Variants in FHOD3 observed in about 807,000 individuals in gnomAD.
The protein encoded by FHOD3 is formin homology 2 domain containing 3.
Under a neutral mutation model 173.0 loss-of-function variants are expected in FHOD3, and 90 were observed. The ratio of observed to expected loss-of-function variants is 0.52; its 90% confidence interval spans 0.44 to 0.62. The LOEUF is 0.62. Among genes scored for constraint, FHOD3 ranks in the 20% least tolerant of loss-of-function variants. The pLI, the probability that FHOD3 is intolerant of heterozygous loss-of-function variation, is 0.00. For synonymous variants in FHOD3, 828 were observed against 823.0 expected (o/e 1.01, Z -0.10); for missense variants, 1,945 against 2,034.7 (o/e 0.96, Z 0.85).
In FHOD3 at chr18:36,297,921, C is replaced by G. The variant is rs991111933; in HGVS notation, c.86C>G (p.Pro29Arg). 2 of 1,562,696 alleles carry G rather than the reference C, an allele frequency of 1.3e-6. No individual in the cohort carries two copies. Among genetic ancestry groups the G allele is most frequent in the Non-Finnish European group, 1.7e-6 (2 of 1,155,036 alleles). ...AACTTCCCCGAGCCCAGCCGGCCGC[C>G]GCTGTTCACGTTCCGCGAGGACCTC... ...STNFPEPSRPPLFTFREDLAL... is the reference protein window; with the variant it reads ...STNFPEPSRPRLFTFREDLAL... Residue 29 changes from proline (P) to arginine (R), a missense_variant, in exon 1 of 29, where the codon CCG (proline) becomes CGG (arginine). Physicochemically the swap from Pro to Arg is moderately radical, Grantham distance 103 (BLOSUM62 -2). Coordinates refer to ENST00000590592, the MANE Select transcript of FHOD3 (RefSeq NM_001281740.3).
intron 25 of FHOD3, among the ~76,000 whole-genome samples, chr18:36,758,375 T>C (rs1721975996): frequency 6.6e-6 from 1 of 152,262 alleles, no homozygotes; most frequent in African/African-American, 2.4e-5. Flanking sequence ...TCTCAATTTA[T>C]GTTAGAAGAG....
chr18:36,548,131 G>T (rs2057489672), intron 5 of FHOD3, among the ~76,000 whole-genome samples: 1 of 152,138 alleles, frequency 6.6e-6, no homozygotes, highest in Admixed American at 6.5e-5. Flanking sequence ...GGCGGAGGTT[G>T]CAGTGAGCCG....
rs545624410 is a variant in FHOD3, at chr18:36,625,569, G to T, written c.1016G>T (p.Arg339Leu). ...ACGGAGCCACCCCCCAGTGGGTGCCGGGACCGGAGGAGGGCCAGCGTGTGT... is the reference window on the plus strand; with the variant it reads ...ACGGAGCCACCCCCCAGTGGGTGCCTGGACCGGAGGAGGGCCAGCGTGTGT... Reference protein sequence around the residue: ...ETTEPPPSGCRDRRRASVCSS... With the variant: ...ETTEPPPSGCLDRRRASVCSS... Residue 339 changes from arginine to leucine, a missense_variant, in exon 10 of 29, where the codon CGG becomes CTG. Arg to Leu is a moderately radical substitution (Grantham distance 102). Coordinates refer to ENST00000590592, the MANE Select transcript of FHOD3 (RefSeq NM_001281740.3). The T allele has an allele frequency of 6.5e-7, 1 of 1,527,726 alleles. No individual in the cohort carries two copies. The highest frequency in any genetic ancestry group is 1.2e-5 in the South Asian group (1 of 81,438). 94.6% of individuals were successfully genotyped at this position (1,527,726 alleles called of 1,614,324 possible).
chr18:36,438,769 C>G (rs1008730578), intron 3 of FHOD3, among the ~76,000 whole-genome samples: 1 of 152,212 alleles, frequency 6.6e-6, no homozygotes, highest in African/African-American at 2.4e-5. Flanking sequence ...TAAGACACTG[C>G]TCTTCATCCT....
chr18:36,566,934 C>T (rs2058286436), intron 5 of FHOD3, among the ~76,000 whole-genome samples: 1 of 152,180 alleles, frequency 6.6e-6, no homozygotes, highest in Admixed American at 6.5e-5. Flanking sequence ...GTGCAGTGTA[C>T]TGCGTTTTCT....
chr18:36,556,674 T>C (rs1194841266), intron 5 of FHOD3, among the ~76,000 whole-genome samples: 1 of 152,228 alleles, frequency 6.6e-6, no homozygotes, highest in African/African-American at 2.4e-5. Flanking sequence ...AACACTGTTA[T>C]TTTTCTGTTT....
At chr18:36,701,461 T>G (rs911087336) in intron 17 of FHOD3, among the ~76,000 whole-genome samples, 12 of 152,138 alleles carry the variant, frequency 7.9e-5, no homozygotes, top group Admixed American at 2.6e-4. Flanking sequence ...ATATACATAT[T>G]TAAGCAAGTG....
At chr18:36,697,713 C>T (rs1385486977) in intron 17 of FHOD3, among the ~76,000 whole-genome samples, 2 of 152,190 alleles carry the variant, frequency 1.3e-5, no homozygotes, top group Non-Finnish European at 2.9e-5. Flanking sequence ...TACTTCCTGT[C>T]ACAGATGCAG....
intron 5 of FHOD3, among the ~76,000 whole-genome samples, chr18:36,565,177 C>T (rs2066353547): frequency 1.3e-5 from 2 of 152,136 alleles, no homozygotes; most frequent in South Asian, 4.1e-4. Context: ...CAATATCAAC[C>T]TCTTTTTAAT....
intron 10 of FHOD3, among the ~76,000 whole-genome samples, chr18:36,626,676 T>G (rs567063858): frequency 6.6e-6 from 1 of 152,310 alleles, no homozygotes; most frequent in Non-Finnish European, 1.5e-5. Flanking sequence ...CTCATATCAC[T>G]TGGCTGGATC....
chr18:36,658,054 T>C (rs1450659498), intron 13 of FHOD3, 21 bp from the exon 14 acceptor site: 1 of 1,557,912 alleles, frequency 6.4e-7, no homozygotes, highest in South Asian at 1.1e-5. Context: ...TCCCCCCAAC[T>C]TAAACCTCTG....
intron 5 of FHOD3, among the ~76,000 whole-genome samples, chr18:36,522,910 T>G (rs960356886): frequency 6.6e-6 from 1 of 152,238 alleles, no homozygotes; most frequent in African/African-American, 2.4e-5. Context: ...GATTTGATTT[T>G]CAGTATCCTC....
At chr18:36,569,322 C>G (rs1311728821) in intron 5 of FHOD3, among the ~76,000 whole-genome samples, 1 of 151,934 alleles carries the variant, frequency 6.6e-6, no homozygotes, top group African/African-American at 2.4e-5. Context: ...GGTGAAGTGA[C>G]TATATTAATT....
chr18:36,546,183 G>T (rs895321393), intron 5 of FHOD3, among the ~76,000 whole-genome samples: 1 of 152,222 alleles, frequency 6.6e-6, no homozygotes, highest in Non-Finnish European at 1.5e-5. Flanking sequence ...TTCCACCGCA[G>T]TTCATCTTGA....
At chr18:36,304,458 C>T (rs1468561936) in intron 1 of FHOD3, among the ~76,000 whole-genome samples, 1 of 152,172 alleles carries the variant, frequency 6.6e-6, no homozygotes, top group African/African-American at 2.4e-5. Context: ...AATTAGGTTA[C>T]AATTCCAATA....
At chr18:36,725,450 C>T (rs991997636) in intron 19 of FHOD3, among the ~76,000 whole-genome samples, 1 of 152,186 alleles carries the variant, frequency 6.6e-6, no homozygotes, top group African/African-American at 2.4e-5. Context: ...GGGAAGCTTA[C>T]ACAGTCAATC....
chr18:36,532,764 C>T (rs985321842), intron 5 of FHOD3, among the ~76,000 whole-genome samples: 5 of 152,250 alleles, frequency 3.3e-5, no homozygotes, highest in African/African-American at 1.2e-4. Context: ...CTAACCTCAA[C>T]CGCAGAACAT....
chr18:36,316,910 T>TC (rs1190098216), intron 1 of FHOD3, among the ~76,000 whole-genome samples: 95 of 152,056 alleles, frequency 6.2e-4, no homozygotes, highest in African/African-American at 2.2e-3. Context: ...TGTGTGATGT[T>TC]CCCCTCCCTG....
intron 3 of FHOD3, among the ~76,000 whole-genome samples, chr18:36,448,805 T>C (rs2051651943): frequency 6.6e-6 from 1 of 152,168 alleles, no homozygotes; most frequent in African/African-American, 2.4e-5. Context: ...ACAGCTGGTC[T>C]TGCGGTTGAG....
Sources: allele counts gnomAD v4.1 joint callset (sites outside exome capture counted in the v4.1 genomes callset), GRCh38; gene constraint gnomAD v4.1.1; transcripts MANE v1.5; gene names NCBI Gene and HGNC (gene_info 2026-07-23, HGNC 2026-07-21).